The following WASHC2A variants were observed in gnomAD, a reference collection of about 807,000 sequenced individuals.
The protein encoded by WASHC2A is WASH complex subunit 2A, also known as WASH complex subunit FAM21A.
In WASHC2A, 82 loss-of-function variants were observed where a neutral mutation model predicts 140.3. The observed-to-expected ratio is 0.58, with a 90% CI of 0.49 to 0.70. The LOEUF (loss-of-function observed/expected upper bound fraction) is 0.70, where lower values mean the gene tolerates loss of function less well. Ranked by LOEUF, WASHC2A falls within the 30% of genes least tolerant of loss-of-function variation. The pLI is 0.00. For synonymous variants in WASHC2A, 340 were observed against 560.8 expected (o/e 0.61, Z 5.56); for missense variants, 985 against 1,521.8 (o/e 0.65, Z 5.87).
intron 18 of WASHC2A, among the ~76,000 whole-genome samples, chr10:50,105,326 T>C (rs1187970221): frequency 2.0e-5 from 3 of 149,514 alleles, no homozygotes; most frequent in African/African-American, 7.4e-5. Flanking sequence ...CCTGGGTTCA[T>C]ATCCCAGCTC....
intron 3 of WASHC2A, among the ~76,000 whole-genome samples, chr10:50,075,665 A>G (rs1227334967): frequency 6.7e-6 from 1 of 148,864 alleles, no homozygotes; most frequent in Admixed American, 6.7e-5. Context: ...TTCATTGACT[A>G]TTATGTATGA....
intron 16 of WASHC2A, among the ~76,000 whole-genome samples, chr10:50,099,398 T>A (rs1554885811): frequency 6.6e-6 from 1 of 150,950 alleles, no homozygotes; most frequent in East Asian, 2.0e-4. Context: ...GCCTACCAAG[T>A]AGCTGGGACT....
rs1228116447 is a variant in WASHC2A at position 50,083,028 on chromosome 10, C to T, written c.529-1044C>T. ...ATTTATTTATTTTGAGTCAGAGTTT[C>T]GCTCTTGTTGCCCAGGCTGGAGTGG... On this transcript the variant is annotated intron_variant, in intron 5 of 30. Coordinates refer to ENST00000282633, the MANE Select transcript of WASHC2A (RefSeq NM_001005751.3). Among the ~76,000 whole-genome samples the T allele has an allele frequency of 4.3e-5, 5 of 116,232 alleles. 2 individuals are homozygous for T. The highest frequency in any genetic ancestry group is 7.2e-5 in the African/African-American group (2 of 27,698). The allele number at this position is 116,232 out of a possible 152,430, so 76.3% of individuals were successfully genotyped here. A position where few individuals can be genotyped will look rare whatever the true frequency, so the allele number is the denominator to read the frequency against.
In WASHC2A at chr10:50,097,488, T is replaced by C. The variant is rs1370596549; in HGVS notation, c.1421-187T>C. Among the ~76,000 whole-genome samples, 232 of 144,642 alleles carry C rather than the reference T, an allele frequency of 1.6e-3. 1 individual carries two copies. Among genetic ancestry groups the C allele is most frequent in the African/African-American group, 5.5e-3 (222 of 40,250 alleles). 94.9% of individuals were successfully genotyped at this position (144,642 alleles called of 152,430 possible). On this transcript the variant is annotated intron_variant, in intron 15 of 30. Coordinates refer to ENST00000282633, the MANE Select transcript of WASHC2A (RefSeq NM_001005751.3). ...TGTCTGTTCTGTCTTTCAACTGAACTGCTACTATGCACTTTGAAAAATTCC... is the reference window on the plus strand; with the variant it reads ...TGTCTGTTCTGTCTTTCAACTGAACCGCTACTATGCACTTTGAAAAATTCC...
rs1257966134 is a variant in WASHC2A, at chr10:50,095,765, A to G, written c.1407A>G (p.Lys469=). ...ACTTTTTCTCGGCACCCCACAGCAAACCTTCTAAAACAGGTATGTGTTCCT... is the reference window on the plus strand; with the variant it reads ...ACTTTTTCTCGGCACCCCACAGCAAGCCTTCTAAAACAGGTATGTGTTCCT... The part of the protein sequence containing the change: ...DDDFFSAPHS[K]PSKTGKVQST... Residue 469 remains lysine, a synonymous_variant, in exon 15 of 31, where the codon AAA becomes AAG. Coordinates refer to ENST00000282633, the MANE Select transcript of WASHC2A (RefSeq NM_001005751.3). The G allele has an allele frequency of 2.2e-5, 35 of 1,608,450 alleles. 1 individual carries two copies. In the Admixed American group the frequency reaches 5.2e-4, roughly 24 times the overall value.
intron 3 of WASHC2A, among the ~76,000 whole-genome samples, chr10:50,073,314 A>G (rs1554876856): frequency 6.6e-6 from 1 of 152,054 alleles, no homozygotes; most frequent in East Asian, 1.9e-4. Flanking sequence ...AAACAAATTA[A>G]CCTGTTTATG....
At chr10:50,101,364 C>T in intron 17 of WASHC2A, among the ~76,000 whole-genome samples, 1 of 152,430 alleles carries the variant, frequency 6.6e-6, no homozygotes, top group East Asian at 1.9e-4. Flanking sequence ...CTCTGTGAGG[C>T]CTCCCTGATG....
chr10:50,106,389 A>G lies in WASHC2A; in HGVS notation c.1793A>G (p.Gln598Arg). The G allele has an allele frequency of 1.2e-6, 2 of 1,612,018 alleles. No individual in the cohort carries two copies. Among genetic ancestry groups the G allele is most frequent in the Non-Finnish European group, 1.7e-6 (2 of 1,179,868 alleles). The change falls in exon 19 of 31, where the codon CAG (glutamine) becomes CGG (arginine). Residue 598 changes from glutamine to arginine, a missense_variant. Physicochemically the swap from Gln to Arg is conservative, Grantham distance 43 (BLOSUM62 1). Coordinates refer to ENST00000282633, the MANE Select transcript of WASHC2A (RefSeq NM_001005751.3). ...AKKQTLCLQA[Q>R]REEKAKASEL... The stretch of plus-strand genomic sequence containing the variant: ...AAGCAGACATTGTGTCTACAAGCTC[A>G]GAGAGAAGAGAAAGCAAAAGCCTCC...
In WASHC2A at chr10:50,126,075, G is replaced by A. The variant is rs1843401556; in HGVS notation, c.2707G>A (p.Val903Ile). ...SQPLVQEKKR[V>I]VKKDHSVDSF... The stretch of plus-strand genomic sequence containing the variant: ...TTTGAAGGTACAAGAGAAAAAGAGA[G>A]TAGTGAAAAAAGACCACTCTGTTGA... Residue 903 changes from valine to isoleucine, a missense_variant, in exon 26 of 31, where the codon GTA becomes ATA. By Grantham distance (29) the Val-to-Ile change is conservative. Coordinates refer to ENST00000282633, the MANE Select transcript of WASHC2A (RefSeq NM_001005751.3). 2.5e-6 allele frequency: 4 copies of A among 1,613,630 alleles called. No individual in the cohort carries two copies. The African/African-American group carries it at 4.0e-5, about 16-fold the overall frequency.
At chr10:50,099,124 T>G (rs1222636998) in intron 16 of WASHC2A, among the ~76,000 whole-genome samples, 2 of 152,128 alleles carry the variant, frequency 1.3e-5, no homozygotes, top group Non-Finnish European at 2.9e-5. Context: ...AAACCACTAT[T>G]TTTTTAATTC....
At chr10:50,068,432 C>T (rs1837494024) in intron 2 of WASHC2A, among the ~76,000 whole-genome samples, 1 of 151,844 alleles carries the variant, frequency 6.6e-6, no homozygotes, top group Admixed American at 6.5e-5. Flanking sequence ...GTGGCCCAGA[C>T]GCGACGTTCC....
intron 5 of WASHC2A, among the ~76,000 whole-genome samples, 183 bp downstream of exon 5, chr10:50,081,114 G>T (rs1479360986): frequency 7.9e-5 from 12 of 150,950 alleles, no homozygotes; most frequent in Non-Finnish European, 2.9e-5. Context: ...CTTGTGAGGC[G>T]CAAGGCAACA....
chr10:50,089,792 T>G (rs1839711216), intron 8 of WASHC2A, among the ~76,000 whole-genome samples: 2 of 152,074 alleles, frequency 1.3e-5, no homozygotes, highest in Non-Finnish European at 2.9e-5. Context: ...GATGTTTATA[T>G]TTCTCTAGTA....
intron 3 of WASHC2A, among the ~76,000 whole-genome samples, chr10:50,074,462 G>A (rs1249498620): frequency 1.3e-5 from 2 of 151,376 alleles, no homozygotes; most frequent in Non-Finnish European, 2.9e-5. Context: ...TTGGAGTCCT[G>A]ACTTTGAAAA....
rs1437015663 is a variant in WASHC2A at position 50,095,684 on chromosome 10, C to CT, written c.1327dup (p.Tyr443LeufsTer10). The CT allele has an allele frequency of 6.2e-7, 1 of 1,611,548 alleles. No individual in the cohort carries two copies. Among genetic ancestry groups the CT allele is most frequent in the Admixed American group, 1.7e-5 (1 of 59,956 alleles). ...AGCAGCCCACTCCAAGGAAAAGCCC[C>CT]TATGGTCCCCCTCCCACTGGCCTCT... On this transcript the variant is annotated frameshift_variant, in exon 15 of 31. Transcript: ENST00000282633. LOFTEE classifies it high-confidence loss of function.
At chr10:50,110,057 A>G in intron 19 of WASHC2A, 44 bp from the exon 20 acceptor site, 2 of 1,556,124 alleles carry the variant, frequency 1.3e-6, no homozygotes, top group Non-Finnish European at 1.8e-6. Flanking sequence ...GGTATGAGCC[A>G]CTGCGCCTGG....
intron 28 of WASHC2A, among the ~76,000 whole-genome samples, chr10:50,128,070 AG>A (rs1414979085): frequency 7.9e-5 from 12 of 151,080 alleles, no homozygotes; most frequent in Admixed American, 7.9e-4. Flanking sequence ...GCAGGTTTCC[AG>A]CACTGCCACC....
chr10:50,101,458 G>A (rs533649658), intron 17 of WASHC2A, among the ~76,000 whole-genome samples: 5 of 152,306 alleles, frequency 3.3e-5, no homozygotes, highest in African/African-American at 9.6e-5. Context: ...ACCACAGCAC[G>A]TGTTGCCAGG....
At position 50,098,863 on chromosome 10, in the gene WASHC2A, T is replaced by C. The variant is rs1371677211; in HGVS notation, c.1548+1061T>C. 1.3e-3 allele frequency among the ~76,000 whole-genome samples: 197 copies of C among 149,390 alleles called. 1 individual carries two copies. Among genetic ancestry groups the C allele is most frequent in the African/African-American group, 4.7e-3 (192 of 40,524 alleles). On this transcript the variant is annotated intron_variant, in intron 16 of 30. Transcript: ENST00000282633. ...AGCAGGCAGGGTTGTGCACTTCCAG[T>C]TGGATCACCTCCCAAGACACATCAG...
Sources: gnomAD v4.1 joint callset for allele counts (sites outside exome capture counted in the v4.1 genomes callset) on GRCh38, gnomAD v4.1.1 for gene constraint, MANE v1.5 for transcripts, NCBI Gene and HGNC (gene_info 2026-07-23, HGNC 2026-07-21) for gene names.